Variants in CFAP74 observed in about 807,000 individuals in gnomAD.
CFAP74 encodes cilia and flagella associated protein 74, also known as cilia- and flagella-associated protein 74.
CFAP74 carries 124 observed loss-of-function variants against 188.9 expected under a neutral mutation model. The ratio of observed to expected loss-of-function variants is 0.66; its 90% confidence interval spans 0.57 to 0.76. The LOEUF (loss-of-function observed/expected upper bound fraction) is 0.76, where lower values mean the gene tolerates loss of function less well. CFAP74 is among the 30% of genes least tolerant of loss of function. CFAP74 has a pLI of 0.00. For missense variants in CFAP74, 2,198 were observed against 2,165.2 expected (o/e 1.02, Z -0.30); for synonymous variants, 956 against 916.7 (o/e 1.04, Z -0.77).
At chr1:1,959,250 A>C in intron 15 of CFAP74, 41 bp from the exon 16 acceptor site, 1 of 1,353,790 alleles carries the variant, frequency 7.4e-7, no homozygotes, top group Admixed American at 1.9e-5. Flanking sequence ...CACTTCTGCA[A>C]CTTTTGTGTG....
At position 1,934,731 on chromosome 1, in the gene CFAP74, A is replaced by G. The variant is rs1167626570; in HGVS notation, c.3011+4124T>C. 1.5e-5 allele frequency among the ~76,000 whole-genome samples: 2 copies of G among 131,026 alleles called. 1 individual carries two copies. Among genetic ancestry groups the G allele is most frequent in the African/African-American group, 6.0e-5 (2 of 33,276 alleles). 86.0% of individuals were successfully genotyped at this position (131,026 alleles called of 152,430 possible). Reference sequence around the variant, plus strand: ...TACGTGGGTGTTAGGCTGTAGGTACACACGTGTGTACGTGGGTGTTAGGTT... The same window carrying G: ...TACGTGGGTGTTAGGCTGTAGGTACGCACGTGTGTACGTGGGTGTTAGGTT... On this transcript the variant is annotated intron_variant, in intron 25 of 38. Coordinates refer to ENST00000682832, the MANE Select transcript of CFAP74 (RefSeq NM_001304360.2).
Position 1,968,208 on chromosome 1 carries a change from C to T in CFAP74, c.1245+427G>A, listed in dbSNP as rs896219897. ...AATGAATGAGTGATAGGAAAGCTGTCCTCTAGGTGCTATCAGGAGTGCTTT... is the reference window on the plus strand; with the variant it reads ...AATGAATGAGTGATAGGAAAGCTGTTCTCTAGGTGCTATCAGGAGTGCTTT... On this transcript the variant is annotated intron_variant, in intron 11 of 38. Coordinates refer to ENST00000682832, the MANE Select transcript of CFAP74 (RefSeq NM_001304360.2). This position sits in a 1 kb window ranked among gnomAD's most constrained non-coding sequence, Gnocchi z 4.3. 1.3e-5 allele frequency among the ~76,000 whole-genome samples: 2 copies of T among 152,114 alleles called. No homozygotes were observed. The highest frequency in any genetic ancestry group is 2.9e-5 in the Non-Finnish European group (2 of 68,022).
intron 6 of CFAP74, among the ~76,000 whole-genome samples, chr1:1,978,493 T>C (rs1223422049): frequency 6.6e-6 from 1 of 152,118 alleles, no homozygotes; most frequent in Non-Finnish European, 1.5e-5. Flanking sequence ...GGGACCCCAC[T>C]CAAGTCCAGT....
intron 11 of CFAP74, among the ~76,000 whole-genome samples, chr1:1,967,762 A>C (rs1489833000): frequency 6.6e-6 from 1 of 152,196 alleles, no homozygotes; most frequent in Non-Finnish European, 1.5e-5. Flanking sequence ...ACTGTGCCAG[A>C]CTCAGGAGAG....
rs750396993 is a variant in CFAP74, at chr1:1,974,204, A to G, written c.501-6T>C. The G allele has an allele frequency of 1.9e-6, 3 of 1,584,494 alleles. No homozygotes were observed. In the African/African-American group the frequency reaches 4.0e-5, roughly 21 times the overall value. The stretch of plus-strand genomic sequence containing the variant: ...CGATGTGCCACATGGTGTTCCTTCA[A>G]ACAAGAGGCAAAGCAGCTGGAGACG... On this transcript the variant is annotated splice_region_variant and splice_polypyrimidine_tract_variant and intron_variant, in intron 6 of 38. Transcript: ENST00000682832.
At chr1:1,989,764 G>T (rs898059749) in intron 2 of CFAP74, among the ~76,000 whole-genome samples, 2 of 152,212 alleles carry the variant, frequency 1.3e-5, no homozygotes. Context: ...CCCGGCCCGT[G>T]TTAGGATAAA....
At chr1:1,934,628 CACACGTGTGTACGTGGGTGTTAGGCTG>C (rs1652705964) in intron 25 of CFAP74, among the ~76,000 whole-genome samples, 2 of 126,798 alleles carry the variant, frequency 1.6e-5, no homozygotes, top group African/African-American at 5.9e-5. Context: ...GTTGTAGGTA[CACACGTGTGTACGTGGGTGTTAGGCTG>C]TAGGTACACA....
At chr1:1,946,269 G>A in intron 20 of CFAP74, 48 bp downstream of exon 20, 1 of 1,490,592 alleles carries the variant, frequency 6.7e-7, no homozygotes, top group Non-Finnish European at 8.9e-7. Flanking sequence ...TGAGGCTGTG[G>A]AGGCAGGGGC....
rs1173546613 is a variant in CFAP74, at chr1:1,968,821, CT to C, written c.1058del (p.Glu353GlyfsTer15). The C allele has an allele frequency of 2.5e-6, 4 of 1,614,046 alleles. No homozygotes were observed. The highest frequency in any genetic ancestry group is 3.4e-6 in the Non-Finnish European group (4 of 1,179,966). ...ELEAQKRAFE[E>X]EQKLRKQEII... The stretch of plus-strand genomic sequence containing the variant: ...TCTCCTGCTTTCTGAGCTTCTGCTC[CT>C]CCTCAAAGGCCCTGCGTGGAGTCGC... On this transcript the variant is annotated frameshift_variant, in exon 11 of 39. Coordinates refer to ENST00000682832, the MANE Select transcript of CFAP74 (RefSeq NM_001304360.2). LOFTEE classifies it high-confidence loss of function. This position sits in a 1 kb window ranked among gnomAD's most constrained non-coding sequence, Gnocchi z 4.3.
At chr1:1,948,987 T>C (rs372157385) in intron 18 of CFAP74, among the ~76,000 whole-genome samples, 2 of 85,928 alleles carry the variant, frequency 2.3e-5, no homozygotes, top group African/African-American at 5.3e-5. Context: ...CCTCCCTCCT[T>C]TCCTTCATTC....
At chr1:1,934,633 G>A (rs1033307901) in intron 25 of CFAP74, among the ~76,000 whole-genome samples, 1 of 128,836 alleles carries the variant, frequency 7.8e-6, no homozygotes, top group African/African-American at 2.9e-5. Context: ...AGGTACACAC[G>A]TGTGTACGTG....
chr1:1,981,178 G>A (rs1656818640), intron 6 of CFAP74, among the ~76,000 whole-genome samples: 1 of 152,248 alleles, frequency 6.6e-6, no homozygotes, highest in Admixed American at 6.5e-5. Flanking sequence ...GTTCCAGAGG[G>A]AGGAGGCCTT....
At chr1:1,985,813 A>T (rs1021220318) in intron 5 of CFAP74, among the ~76,000 whole-genome samples, 4 of 152,188 alleles carry the variant, frequency 2.6e-5, no homozygotes, top group Non-Finnish European at 4.4e-5. Flanking sequence ...ACGTGCGACA[A>T]GCCCCAAGCC....
chr1:1,954,889 C>G, intron 18 of CFAP74: 2 of 1,163,816 alleles, frequency 1.7e-6, no homozygotes, highest in South Asian at 3.4e-5. Context: ...ACACACAGGC[C>G]AAGGGGCAGT....
chr1:1,940,398 G>C lies in CFAP74; in HGVS notation c.2621C>G (p.Ser874Cys). 1 of 1,528,806 alleles carries C rather than the reference G, an allele frequency of 6.5e-7. No individual in the cohort carries two copies. Among genetic ancestry groups the C allele is most frequent in the Non-Finnish European group, 8.7e-7 (1 of 1,143,162 alleles). 94.7% of individuals were successfully genotyped at this position (1,528,806 alleles called of 1,614,324 possible). A position where few individuals can be genotyped will look rare whatever the true frequency, so the allele number is the denominator to read the frequency against. ...SVQLKFLPRHSLPEDAGRYFD... is the reference protein window; with the variant it reads ...SVQLKFLPRHCLPEDAGRYFD... ...ATACCTCCCTGCGTCCTCCGGGAGG[G>C]AGTGTCTGAAAGAGGCAGACAAGGC... Residue 874 changes from serine to cysteine, a missense_variant, in exon 23 of 39, where the codon TCC (serine) becomes TGC (cysteine). Transcript: ENST00000682832.
Position 1,955,829 on chromosome 1 carries a change from C to A in CFAP74, c.2038G>T (p.Asp680Tyr), listed in dbSNP as rs773116789. 1 of 1,613,640 alleles carries A rather than the reference C, an allele frequency of 6.2e-7. No homozygotes were observed. The highest frequency in any genetic ancestry group is 8.5e-7 in the Non-Finnish European group (1 of 1,180,010). Residue 680 changes from aspartate to tyrosine, a missense_variant, in exon 18 of 39, where the codon GAT (aspartate) becomes TAT (tyrosine). Physicochemically the swap from Asp to Tyr is radical, Grantham distance 160. Coordinates refer to ENST00000682832, the MANE Select transcript of CFAP74 (RefSeq NM_001304360.2). ...GCGGCTTTGTCATACAAGCTTTTAT[C>A]TTCGTAGGTCAGGAGACTGCTCTAG... ...LKLSSLLTYE[D>Y]KSLYDKAATS...
chr1:1,939,054 G>A (rs1316334370), intron 24 of CFAP74, 66 bp from the exon 25 acceptor site: 15 of 1,476,720 alleles, frequency 1.0e-5, no homozygotes, highest in Non-Finnish European at 1.4e-5. Flanking sequence ...GTGCGGCAGG[G>A]CCGTGAGTGT....
rs1338041648 is a variant in CFAP74, at chr1:1,942,573, C to T, written c.2487-417G>A. Among the ~76,000 whole-genome samples, 1 of 152,104 alleles carries T rather than the reference C, an allele frequency of 6.6e-6. No individual in the cohort carries two copies. Among genetic ancestry groups the T allele is most frequent in the African/African-American group, 2.4e-5 (1 of 41,414 alleles). ...CACATCCTGCAGCTCAAGCACAGGG[C>T]ACGTGGGGGGCCTGGGACGGCCACA... On this transcript the variant is annotated intron_variant, in intron 21 of 38. Coordinates refer to ENST00000682832, the MANE Select transcript of CFAP74 (RefSeq NM_001304360.2). The surrounding 1 kb of genome is among the most constrained non-coding windows in gnomAD (Gnocchi z 4.3).
chr1:1,975,930 T>C lies in CFAP74; in HGVS notation c.501-1732A>G, dbSNP rs888735145. 6.6e-6 allele frequency among the ~76,000 whole-genome samples: 1 copy of C among 152,148 alleles called. No individual in the cohort carries two copies. Among genetic ancestry groups the C allele is most frequent in the African/African-American group, 2.4e-5 (1 of 41,434 alleles). On this transcript the variant is annotated intron_variant, in intron 6 of 38. Coordinates refer to ENST00000682832, the MANE Select transcript of CFAP74 (RefSeq NM_001304360.2). This position sits in a 1 kb window ranked among gnomAD's most constrained non-coding sequence, Gnocchi z 4.5. ...CTGTCGTCGCCCATTCCTGCTGCTGTAGGAAAACACCCACGACCGGGTCTT... is the reference window on the plus strand; with the variant it reads ...CTGTCGTCGCCCATTCCTGCTGCTGCAGGAAAACACCCACGACCGGGTCTT...
Sources: gnomAD v4.1 joint callset for allele counts (sites outside exome capture counted in the v4.1 genomes callset) on GRCh38, gnomAD v4.1.1 for gene constraint, Gnocchi (gnomAD v3.1) non-coding constraint, MANE v1.5 for transcripts, NCBI Gene and HGNC (gene_info 2026-07-23, HGNC 2026-07-21) for gene names.